TMEM51: variants seen among roughly 807,000 people sequenced by gnomAD.
TMEM51 encodes transmembrane protein 51, also known as chromosome 1 open reading frame 72.
Under a neutral mutation model 13.6 loss-of-function variants are expected in TMEM51, and 8 were observed. That is an observed-to-expected ratio of 0.59 (90% CI 0.35 to 1.07). TMEM51 has a LOEUF of 1.07. TMEM51 is among the 50% of genes least tolerant of loss of function. The probability of loss-of-function intolerance (pLI) is 0.02; values close to 1 mark genes in which losing one functional copy is unlikely to be tolerated. For missense variants in TMEM51, 279 were observed against 330.7 expected (o/e 0.84, Z 1.21); for synonymous variants, 147 against 144.4 (o/e 1.02, Z -0.13).
chr1:15,182,097 G>T (rs1643633604), intron 1 of TMEM51, among the ~76,000 whole-genome samples: 1 of 151,970 alleles, frequency 6.6e-6, no homozygotes, highest in Non-Finnish European at 1.5e-5. Flanking sequence ...GGAGGTGGAG[G>T]TTGCAGTTAG....
In TMEM51 at chr1:15,167,392, C is replaced by T. The variant is rs77774143; in HGVS notation, c.-267+13438C>T. On this transcript the variant is annotated intron_variant, in intron 1 of 3. Coordinates refer to ENST00000376008, the MANE Select transcript of TMEM51 (RefSeq NM_001136218.2). Reference sequence around the variant, plus strand: ...GAGATTTCCCCATACTGCATTTATTCCATGGTATGAATGTGCAGGACGACA... The same window carrying T: ...GAGATTTCCCCATACTGCATTTATTTCATGGTATGAATGTGCAGGACGACA... Among the ~76,000 whole-genome samples the T allele has an allele frequency of 5.4e-5, 8 of 148,636 alleles. No individual in the cohort carries two copies. In the East Asian group the frequency reaches 1.2e-3, roughly 22 times the overall value.
intron 1 of TMEM51, among the ~76,000 whole-genome samples, chr1:15,203,429 ATT>A (rs112836703): frequency 2.1e-5 from 3 of 140,190 alleles, no homozygotes; most frequent in Non-Finnish European, 4.7e-5. Flanking sequence ...TAATTTTTGT[ATT>A]TTTTTTTTTT....
intron 1 of TMEM51, among the ~76,000 whole-genome samples, chr1:15,164,952 G>A (rs552280382): frequency 2.6e-5 from 4 of 151,958 alleles, no homozygotes; most frequent in East Asian, 1.9e-4. Flanking sequence ...ACAGGTGCGC[G>A]CCACCACACC....
At chr1:15,157,760 A>C (rs1244149307) in intron 1 of TMEM51, among the ~76,000 whole-genome samples, 12 of 151,982 alleles carry the variant, frequency 7.9e-5, no homozygotes, top group Non-Finnish European at 1.5e-5. Flanking sequence ...TTTATCTGGC[A>C]CTCCCTTAGC....
intron 1 of TMEM51, among the ~76,000 whole-genome samples, chr1:15,202,423 T>A (rs1231566108): frequency 6.6e-6 from 1 of 152,176 alleles, no homozygotes; most frequent in Non-Finnish European, 1.5e-5. Flanking sequence ...ACACATTTAT[T>A]GTCTTGCAAT....
intron 1 of TMEM51, among the ~76,000 whole-genome samples, chr1:15,173,484 G>A (rs1228507342): frequency 2.4e-4 from 36 of 152,014 alleles, no homozygotes; most frequent in Admixed American, 2.3e-3. Flanking sequence ...GCCTCCCAAA[G>A]TGCTGGGATT....
intron 2 of TMEM51, among the ~76,000 whole-genome samples, chr1:15,212,576 T>G (rs1450758283): frequency 6.6e-6 from 1 of 152,244 alleles, no homozygotes; most frequent in Non-Finnish European, 1.5e-5. Context: ...CCCCTGGCTG[T>G]GTACTTCTCC....
chr1:15,189,352 A>G (rs951401099), intron 1 of TMEM51, among the ~76,000 whole-genome samples: 8 of 150,896 alleles, frequency 5.3e-5, no homozygotes, highest in African/African-American at 2.0e-4. Context: ...TACCTCGCCC[A>G]GCCATTGTCA....
chr1:15,173,269 G>C (rs1239156534), intron 1 of TMEM51, among the ~76,000 whole-genome samples: 1 of 139,268 alleles, frequency 7.2e-6, no homozygotes, highest in Non-Finnish European at 1.5e-5. Context: ...GCCTAGGCTA[G>C]AGTGCAGTGG....
chr1:15,209,505 G>A (rs1353364745), intron 1 of TMEM51, among the ~76,000 whole-genome samples: 1 of 152,120 alleles, frequency 6.6e-6, no homozygotes, highest in African/African-American at 2.4e-5. Flanking sequence ...TCATTTAAGT[G>A]GATTTCTGCA....
chr1:15,178,698 A>T (rs1643523022), intron 1 of TMEM51, among the ~76,000 whole-genome samples: 1 of 152,190 alleles, frequency 6.6e-6, no homozygotes, highest in African/African-American at 2.4e-5. Flanking sequence ...AGTTGAAGCA[A>T]CTTGCCTAAA....
chr1:15,197,190 C>A (rs569399716), intron 1 of TMEM51, among the ~76,000 whole-genome samples: 14 of 152,134 alleles, frequency 9.2e-5, no homozygotes, highest in African/African-American at 3.4e-4. Flanking sequence ...GTTACGTGTC[C>A]GTCTTGAAAT....
chr1:15,153,269 G>T (rs981357730), upstream of TMEM51, among the ~76,000 whole-genome samples: 8 of 152,334 alleles, frequency 5.3e-5, no homozygotes, highest in Admixed American at 3.3e-4. Flanking sequence ...AGGCGGGGCG[G>T]CTGGCGGAGC....
chr1:15,167,326 CAAAA>C (rs555274126), intron 1 of TMEM51, among the ~76,000 whole-genome samples: 4,198 of 69,360 alleles, frequency 0.061, 234 homozygotes, highest in Non-Finnish European at 0.086. Context: ...GACTCCATCT[CAAAA>C]AAAAAAAAAA....
chr1:15,199,014 C>T (rs1223436636), intron 1 of TMEM51, among the ~76,000 whole-genome samples: 2 of 152,124 alleles, frequency 1.3e-5, no homozygotes, highest in Admixed American at 6.5e-5. Context: ...CCTGTGAAAT[C>T]GTTTTCCAGC....
intron 1 of TMEM51, among the ~76,000 whole-genome samples, chr1:15,172,772 C>T (rs919780964): frequency 4.6e-5 from 7 of 152,172 alleles, no homozygotes; most frequent in African/African-American, 1.4e-4. Flanking sequence ...AAATTGCATC[C>T]CATTCTGAGT....
At chr1:15,174,511 G>A (rs1260132727) in intron 1 of TMEM51, among the ~76,000 whole-genome samples, 1 of 152,138 alleles carries the variant, frequency 6.6e-6, no homozygotes, top group African/African-American at 2.4e-5. Flanking sequence ...CAAAGTGCTG[G>A]GGATTACTGA....
intron 1 of TMEM51, among the ~76,000 whole-genome samples, chr1:15,183,975 G>A (rs79826575): frequency 9.8e-5 from 15 of 152,296 alleles, no homozygotes; most frequent in East Asian, 5.8e-4. Context: ...CAGCAGGTCC[G>A]GGGTGGCCCT....
chr1:15,187,320 C>T (rs542871815), intron 1 of TMEM51, among the ~76,000 whole-genome samples: 2 of 152,306 alleles, frequency 1.3e-5, no homozygotes, highest in South Asian at 4.1e-4. Context: ...AGGTCCCCTG[C>T]ACTTCTGCTC....
Sources: gnomAD v4.1 joint callset for allele counts (sites outside exome capture counted in the v4.1 genomes callset) on GRCh38, gnomAD v4.1.1 for gene constraint, MANE v1.5 for transcripts, NCBI Gene and HGNC (gene_info 2026-07-23, HGNC 2026-07-21) for gene names.